The following PKD1L3 variants were observed in gnomAD, a reference collection of about 807,000 sequenced individuals.
PKD1L3 encodes the protein polycystin 1 like 3, transient receptor potential channel interacting.
In PKD1L3, 239 loss-of-function variants were observed where a neutral mutation model predicts 184.1. That is an observed-to-expected ratio of 1.30 (90% CI 1.17 to 1.45). PKD1L3 has a LOEUF of 1.45. PKD1L3 is among the 40% of genes most tolerant of loss of function. PKD1L3 has a pLI of 0.00. For missense variants in PKD1L3, 2,660 were observed against 2,067.2 expected, an observed-to-expected ratio of 1.29 and a Z score of -5.56; for synonymous variants, 996 against 778.8, an observed-to-expected ratio of 1.28 and a Z score of -4.64.
At chr16:71,988,774 G>A (rs1217131777) in intron 4 of PKD1L3, among the ~76,000 whole-genome samples, 3 of 152,150 alleles carry the variant, frequency 2.0e-5, no homozygotes, top group Non-Finnish European at 4.4e-5. Flanking sequence ...TGGCACAGGA[G>A]CCCTCATAAA....
At chr16:71,973,865 G>T (rs147885513) in intron 11 of PKD1L3, among the ~76,000 whole-genome samples, 4 of 152,082 alleles carry the variant, frequency 2.6e-5, no homozygotes, top group Admixed American at 1.3e-4. Context: ...AGTGGGGTGT[G>T]GTGATGTGAG....
chr16:71,958,600 G>A (rs1257568143), intron 16 of PKD1L3, among the ~76,000 whole-genome samples: 1 of 151,162 alleles, frequency 6.6e-6, no homozygotes, highest in East Asian at 2.0e-4. Flanking sequence ...GGCCAACATG[G>A]TGAAACCCCA....
chr16:71,964,504 A>G (rs2039420420), intron 15 of PKD1L3, among the ~76,000 whole-genome samples: 1 of 150,956 alleles, frequency 6.6e-6, no homozygotes, highest in Non-Finnish European at 1.5e-5. Flanking sequence ...ACGCCCGGCT[A>G]GTTTTTGTAT....
intron 22 of PKD1L3, among the ~76,000 whole-genome samples, chr16:71,946,079 C>A (rs2038592455): frequency 6.6e-6 from 1 of 152,218 alleles, no homozygotes; most frequent in Non-Finnish European, 1.5e-5. Context: ...CTGCCTCAGC[C>A]TCCCACGTAG....
chr16:71,959,159 C>A (rs894276500), intron 16 of PKD1L3, among the ~76,000 whole-genome samples: 20 of 150,588 alleles, frequency 1.3e-4, no homozygotes, highest in Non-Finnish European at 2.2e-4. Context: ...CACCTGTAAT[C>A]TCAGCACTTT....
intron 12 of PKD1L3, 53 bp from the exon 13 acceptor site, chr16:71,970,158 G>A (rs776457646): frequency 1.1e-4 from 155 of 1,401,834 alleles, no homozygotes; most frequent in Non-Finnish European, 1.3e-4. Context: ...CTAAGGAGGG[G>A]ACAGACATAA....
At chr16:71,952,288 C>T (rs1406134065) in intron 18 of PKD1L3, among the ~76,000 whole-genome samples, 2 of 141,948 alleles carry the variant, frequency 1.4e-5, no homozygotes, top group Non-Finnish European at 3.0e-5. Context: ...TCTTGGCTCA[C>T]TGCAACCTCC....
intron 15 of PKD1L3, 39 bp downstream of exon 15, chr16:71,967,098 C>T (rs953718553): frequency 6.6e-7 from 1 of 1,525,240 alleles, no homozygotes; most frequent in Non-Finnish European, 8.9e-7. Flanking sequence ...CTTGGATCCA[C>T]AAAGCAGCAG....
intron 28 of PKD1L3, 30 bp from the exon 29 acceptor site, chr16:71,930,213 A>G: frequency 2.6e-6 from 4 of 1,520,140 alleles, no homozygotes; most frequent in Non-Finnish European, 3.5e-6. Context: ...ACTTGCAGTG[A>G]CTGACAATTT....
chr16:71,954,236 G>A lies in PKD1L3; in HGVS notation c.2678C>T (p.Thr893Ile), dbSNP rs1286050040. The change falls in exon 17 of 30, where the codon ACT (threonine) becomes ATT (isoleucine). Residue 893 changes from threonine to isoleucine, a missense_variant. By Grantham distance (89) the Thr-to-Ile change is moderately conservative. Transcript: ENST00000620267. Reference sequence around the variant, plus strand: ...TGTAAACTGGTTCCAGGGATGCCGAGTTGCAATTGAAAGCCACAGATAATC... The same window carrying A: ...TGTAAACTGGTTCCAGGGATGCCGAATTGCAATTGAAAGCCACAGATAATC... ...TQDYLWLSIA[T>I]RHPWNQFTRV... The A allele has an allele frequency of 1.9e-6, 3 of 1,550,710 alleles. No individual in the cohort carries two copies. Among genetic ancestry groups the A allele is most frequent in the African/African-American group, 1.4e-5 (1 of 72,964 alleles).
chr16:71,929,936 A>G lies in PKD1L3; in HGVS notation c.5058+116T>C, dbSNP rs1049351125. Reference sequence around the variant, plus strand: ...AGCTGGCAGAGCTTTTGAAACTAATAAAGGGAATATGATACTGTGCATTAT... The same window carrying G: ...AGCTGGCAGAGCTTTTGAAACTAATGAAGGGAATATGATACTGTGCATTAT... On this transcript the variant is annotated intron_variant, in intron 29 of 29. Transcript: ENST00000620267. The G allele has an allele frequency of 2.4e-6, 3 of 1,261,520 alleles. No homozygotes were observed. In the African/African-American group the frequency reaches 4.6e-5, roughly 19 times the overall value. 78.1% of individuals were successfully genotyped at this position (1,261,520 alleles called of 1,614,324 possible). A position where few individuals can be genotyped will look rare whatever the true frequency, so the allele number is the denominator to read the frequency against.
At chr16:71,946,184 A>G (rs907475927) in intron 22 of PKD1L3, among the ~76,000 whole-genome samples, 2 of 152,066 alleles carry the variant, frequency 1.3e-5, no homozygotes, top group East Asian at 3.9e-4. Context: ...TCACAAATGG[A>G]AGGCAGTTTA....
At chr16:71,962,715 A>C (rs1189148509) in intron 16 of PKD1L3, among the ~76,000 whole-genome samples, 2 of 152,214 alleles carry the variant, frequency 1.3e-5, no homozygotes, top group East Asian at 3.9e-4. Flanking sequence ...CCTGACCTCA[A>C]GTGATCTGCC....
In PKD1L3 at chr16:71,929,693, CAAAA is replaced by C. The variant is rs1567480054; in HGVS notation, c.5059-19_5059-16del. 4 of 1,512,642 alleles carry C rather than the reference CAAAA, an allele frequency of 2.6e-6. No homozygotes were observed. The East Asian group carries it at 7.4e-5, about 28-fold the overall frequency. 93.7% of individuals were successfully genotyped at this position (1,512,642 alleles called of 1,614,324 possible). On this transcript the variant is annotated splice_polypyrimidine_tract_variant and intron_variant, in intron 29 of 29. Transcript: ENST00000620267. The stretch of plus-strand genomic sequence containing the variant: ...GCAGCTTCTTTCTGAGTATTGAAGA[CAAAA>C]AGAGAAAAGTGAGAAAATTGAAATT...
At position 71,947,447 on chromosome 16, in the gene PKD1L3, T is replaced by A. The variant is rs753894867; in HGVS notation, c.3718+45A>T. ...AGTCAGCAAGGTGGCCAGATCTAAT[T>A]TGCTTTTTGCAAAATTAGGTAGTTG... On this transcript the variant is annotated intron_variant, in intron 22 of 29. Transcript: ENST00000620267. 4 of 1,333,216 alleles carry A rather than the reference T, an allele frequency of 3.0e-6. No homozygotes were observed. In the Admixed American group the frequency reaches 6.0e-5, roughly 20 times the overall value. The allele number at this position is 1,333,216 out of a possible 1,614,324, so 82.6% of individuals were successfully genotyped here.
intron 24 of PKD1L3, among the ~76,000 whole-genome samples, chr16:71,939,209 C>T (rs1325174311): frequency 6.6e-6 from 1 of 152,254 alleles, no homozygotes; most frequent in Non-Finnish European, 1.5e-5. Context: ...CTGCCCAACT[C>T]ACTGCAGCAG....
At chr16:71,935,776 TAAAAATC>T (rs1567488363) in intron 25 of PKD1L3, among the ~76,000 whole-genome samples, 1 of 152,210 alleles carries the variant, frequency 6.6e-6, no homozygotes, top group Non-Finnish European at 1.5e-5. Context: ...AACTGTCACT[TAAAAATC>T]AATAATACAA....
intron 11 of PKD1L3, among the ~76,000 whole-genome samples, chr16:71,976,113 A>C (rs2039909744): frequency 6.6e-6 from 1 of 151,736 alleles, no homozygotes; most frequent in African/African-American, 2.4e-5. Flanking sequence ...ATGACCAGCT[A>C]ATTTTTATAC....
intron 15 of PKD1L3, among the ~76,000 whole-genome samples, chr16:71,965,587 C>T (rs1365251180): frequency 6.7e-6 from 1 of 148,666 alleles, no homozygotes; most frequent in East Asian, 2.0e-4. Context: ...GATGGTCTCA[C>T]TCTGTTGCCA....
Sources: allele counts gnomAD v4.1 joint callset (sites outside exome capture counted in the v4.1 genomes callset), GRCh38; gene constraint gnomAD v4.1.1; transcripts MANE v1.5; gene names NCBI Gene and HGNC (gene_info 2026-07-23, HGNC 2026-07-21).